The following DOCK1 variants were observed in gnomAD, a reference collection of about 807,000 sequenced individuals.
The protein encoded by DOCK1 is dedicator of cytokinesis protein 1.
In DOCK1, 138 loss-of-function variants were observed where a neutral mutation model predicts 262.7. The ratio of observed to expected loss-of-function variants is 0.53; its 90% confidence interval spans 0.46 to 0.61. The LOEUF (loss-of-function observed/expected upper bound fraction) is 0.61, where lower values mean the gene tolerates loss of function less well. DOCK1 is among the 20% of genes least tolerant of loss of function. The pLI is 0.00. For missense variants in DOCK1, 1,908 were observed against 2,370.7 expected (o/e 0.80, Z 4.05); for synonymous variants, 866 against 867.4 (o/e 1.00, Z 0.03).
At chr10:126,950,105 G>A (rs1159886537) in intron 1 of DOCK1, among the ~76,000 whole-genome samples, 1 of 151,690 alleles carries the variant, frequency 6.6e-6, no homozygotes, top group Non-Finnish European at 1.5e-5. Flanking sequence ...TCCCTCCCTT[G>A]TAAAGTTTTT....
intron 29 of DOCK1, among the ~76,000 whole-genome samples, chr10:127,292,023 G>A (rs76148938): frequency 0.023 from 3,483 of 152,196 alleles, 126 homozygotes; most frequent in African/African-American, 0.077. Context: ...CAGGGCAGCC[G>A]ATCCTTGGAA....
At chr10:127,014,485 G>A (rs534726396) in intron 12 of DOCK1, among the ~76,000 whole-genome samples, 22 of 152,170 alleles carry the variant, frequency 1.4e-4, no homozygotes, top group Non-Finnish European at 2.8e-4. Flanking sequence ...GCAGGCCGGC[G>A]TTTCTGAGAA....
chr10:127,269,413 A>G (rs1276684955), intron 29 of DOCK1, among the ~76,000 whole-genome samples: 3 of 152,240 alleles, frequency 2.0e-5, no homozygotes, highest in Non-Finnish European at 4.4e-5. Flanking sequence ...TTATAAAAAA[A>G]TACAATTCTT....
intron 23 of DOCK1, among the ~76,000 whole-genome samples, chr10:127,091,157 G>T (rs1387796171): frequency 6.6e-6 from 1 of 151,628 alleles, no homozygotes; most frequent in East Asian, 1.9e-4. Flanking sequence ...AATTTTTTTT[G>T]CATTTTTAGT....
intron 27 of DOCK1, among the ~76,000 whole-genome samples, chr10:127,161,208 G>A (rs541720060): frequency 6.6e-6 from 1 of 152,180 alleles, no homozygotes; most frequent in Non-Finnish European, 1.5e-5. Flanking sequence ...ATATACTCAT[G>A]GAAACGCAAG....
At chr10:127,261,777 G>T (rs1439503265) in intron 29 of DOCK1, among the ~76,000 whole-genome samples, 5 of 141,960 alleles carry the variant, frequency 3.5e-5, no homozygotes, top group Non-Finnish European at 6.1e-5. Flanking sequence ...GGGTGTGTGT[G>T]TGTGTACCTG....
chr10:127,071,709 G>C (rs2046244283), intron 23 of DOCK1, among the ~76,000 whole-genome samples: 1 of 152,142 alleles, frequency 6.6e-6, no homozygotes, highest in African/African-American at 2.4e-5. Context: ...TTAATCAAAT[G>C]ATTTTTCCTC....
intron 38 of DOCK1, among the ~76,000 whole-genome samples, chr10:127,391,009 G>A (rs551708662): frequency 5.4e-4 from 83 of 152,322 alleles, no homozygotes; most frequent in African/African-American, 1.9e-3. Flanking sequence ...ATGCGGCTGG[G>A]AAGCGGAAGC....
chr10:127,378,064 C>T (rs191862213), intron 35 of DOCK1, among the ~76,000 whole-genome samples: 24 of 152,244 alleles, frequency 1.6e-4, no homozygotes, highest in Admixed American at 7.8e-4. Context: ...AGCTCATAAT[C>T]GAGCATCTTT....
At chr10:127,128,832 T>C (rs1231343348) in intron 27 of DOCK1, among the ~76,000 whole-genome samples, 1 of 152,236 alleles carries the variant, frequency 6.6e-6, no homozygotes, top group Non-Finnish European at 1.5e-5. Context: ...TAGCAAAGAC[T>C]TGGAACCAAC....
chr10:127,177,091 A>G (rs1331998549), intron 27 of DOCK1: 1 of 152,086 alleles, frequency 6.6e-6, no homozygotes, highest in Non-Finnish European at 1.5e-5. Flanking sequence ...TACAAAGGCC[A>G]TGTTTGCAAC....
intron 27 of DOCK1, among the ~76,000 whole-genome samples, chr10:127,129,959 G>T (rs570949239): frequency 6.6e-6 from 1 of 151,888 alleles, no homozygotes; most frequent in South Asian, 2.1e-4. Flanking sequence ...CTCTCTCTCC[G>T]ATTAGGAGGT....
At chr10:127,013,740 G>A (rs1369953185) in intron 12 of DOCK1, 1 of 152,278 alleles carries the variant, frequency 6.6e-6, no homozygotes, top group African/African-American at 2.4e-5. Flanking sequence ...AACAGTGATA[G>A]TTTTGTCAAG....
At chr10:127,263,618 T>A (rs1365807705) in intron 29 of DOCK1, among the ~76,000 whole-genome samples, 1 of 152,250 alleles carries the variant, frequency 6.6e-6, no homozygotes, top group East Asian at 1.9e-4. Context: ...GGGGAGCAGC[T>A]GCTAAGGTTT....
At chr10:127,405,186 G>C (rs772291586) in intron 40 of DOCK1, among the ~76,000 whole-genome samples, 24 of 152,146 alleles carry the variant, frequency 1.6e-4, no homozygotes, top group Non-Finnish European at 2.9e-4. Context: ...GATCTGTATG[G>C]CCACGGTGCT....
chr10:127,041,719 T>G (rs907107368), intron 19 of DOCK1, among the ~76,000 whole-genome samples: 7 of 152,214 alleles, frequency 4.6e-5, no homozygotes, highest in Admixed American at 2.0e-4. Context: ...CTTGCCCACT[T>G]CTTATTAGTC....
intron 33 of DOCK1, among the ~76,000 whole-genome samples, chr10:127,370,260 T>C (rs1335266617): frequency 1.3e-5 from 2 of 152,194 alleles, no homozygotes; most frequent in Non-Finnish European, 2.9e-5. Flanking sequence ...GGTTTATTTT[T>C]AAAGGGTCAA....
chr10:127,275,517 A>T (rs2060710788), intron 29 of DOCK1, among the ~76,000 whole-genome samples: 1 of 152,098 alleles, frequency 6.6e-6, no homozygotes, highest in Non-Finnish European at 1.5e-5. Context: ...GTGTGTCGGG[A>T]GCTGTGATAC....
chr10:126,991,927 G>A (rs189439448), intron 6 of DOCK1, among the ~76,000 whole-genome samples: 2 of 152,230 alleles, frequency 1.3e-5, no homozygotes, highest in African/African-American at 4.8e-5. Context: ...ACATTGGAAT[G>A]TGGAAGTCAG....
Sources: gnomAD v4.1 joint callset for allele counts (sites outside exome capture counted in the v4.1 genomes callset) on GRCh38, gnomAD v4.1.1 for gene constraint, MANE v1.5 for transcripts, NCBI Gene and HGNC (gene_info 2026-07-23, HGNC 2026-07-21) for gene names.